The following ADAMTS13 variants were observed in gnomAD, a reference collection of about 807,000 sequenced individuals.
ADAMTS13 encodes the protein ADAM metallopeptidase with thrombospondin type 1 motif 13, also known as A disintegrin and metalloproteinase with thrombospondin motifs 13.
A neutral mutation model predicts 155.1 loss-of-function variants in ADAMTS13; 110 were observed. That is an observed-to-expected ratio of 0.71 (90% CI 0.61 to 0.83). The LOEUF (loss-of-function observed/expected upper bound fraction) is 0.83, where lower values mean the gene tolerates loss of function less well. ADAMTS13 is among the 40% of genes least tolerant of loss of function. The pLI, the probability that ADAMTS13 is intolerant of heterozygous loss-of-function variation, is 0.00. For synonymous variants in ADAMTS13, 758 were observed against 756.4 expected (o/e 1.00, Z -0.03); for missense variants, 1,707 against 1,891.7 (o/e 0.90, Z 1.81).
chr9:133,443,578 G>A lies in ADAMTS13; in HGVS notation c.2420+17G>A. 6 of 1,530,622 alleles carry A rather than the reference G, an allele frequency of 3.9e-6. No homozygotes were observed. The highest frequency in any genetic ancestry group is 5.2e-6 in the Non-Finnish European group (6 of 1,142,886). The allele number at this position is 1,530,622 out of a possible 1,614,324, so 94.8% of individuals were successfully genotyped here. A position where few individuals can be genotyped will look rare whatever the true frequency, so the allele number is the denominator to read the frequency against. The stretch of plus-strand genomic sequence containing the variant: ...CCCTGCCAGGTGAGCCCAGGGCTAG[G>A]TGGGGCTGGGAGAGGGCCTTCCTGG... On this transcript the variant is annotated intron_variant, in intron 19 of 28. Coordinates refer to ENST00000355699, the MANE Select transcript of ADAMTS13 (RefSeq NM_139027.6).
At chr9:133,436,776 A>AGGGGCGGGGGGGGGGG in intron 11 of ADAMTS13, 53 bp from the exon 12 acceptor site, 1 of 715,604 alleles carries the variant, frequency 1.4e-6, no homozygotes, top group Non-Finnish European at 2.2e-6. Flanking sequence ...CCCAGTGACA[A>AGGGGCGGGGGGGGGGG]CACCCGCCCC....
chr9:133,422,532 C>T lies in ADAMTS13; in HGVS notation c.89C>T (p.Pro30Leu), dbSNP rs1554783678. ...GGCTTTCTCCTGGGCTGCTGGGGACCCTCCCATTTCCAGCAGGTGGGCTCA... is the reference window on the plus strand; with the variant it reads ...GGCTTTCTCCTGGGCTGCTGGGGACTCTCCCATTTCCAGCAGGTGGGCTCA... ...ACGFLLGCWG[P>L]SHFQQSCLQA... Residue 30 changes from proline to leucine, a missense_variant, in exon 1 of 29, where the codon CCC (proline) becomes CTC (leucine). Coordinates refer to ENST00000355699, the MANE Select transcript of ADAMTS13 (RefSeq NM_139027.6). 3 of 1,614,086 alleles carry T rather than the reference C, an allele frequency of 1.9e-6. No individual in the cohort carries two copies. The highest frequency in any genetic ancestry group is 2.5e-6 in the Non-Finnish European group (3 of 1,180,016).
chr9:133,432,138 G>A (rs1177129488), intron 8 of ADAMTS13, among the ~76,000 whole-genome samples: 1 of 152,142 alleles, frequency 6.6e-6, no homozygotes, highest in Non-Finnish European at 1.5e-5. Flanking sequence ...GGTGGCGCAT[G>A]CCTGTAATCC....
intron 14 of ADAMTS13, 65 bp from the exon 15 acceptor site, chr9:133,439,280 TTCCCGACCAGCTAAGATCAGC>T (rs1841483417): frequency 4.6e-6 from 5 of 1,085,492 alleles, no homozygotes; most frequent in Non-Finnish European, 7.1e-6. Context: ...TGTTCAATTT[TTCCCGACCAGCTAAGATCAGC>T]TCCCTTTGTC....
upstream of ADAMTS13, chr9:133,414,353 C>T (rs1554780942): frequency 1.7e-6 from 1 of 571,888 alleles, no homozygotes; most frequent in East Asian, 4.0e-5. Context: ...TTGCCCCAAA[C>T]CACCCAACTG....
intron 1 of ADAMTS13, chr9:133,414,927 G>A: frequency 6.2e-7 from 1 of 1,613,814 alleles, no homozygotes; most frequent in Middle Eastern, 1.7e-4. Flanking sequence ...TTGTTTTGCT[G>A]GATAATTTTG....
chr9:133,429,799 G>T, intron 7 of ADAMTS13, 140 bp from the exon 8 acceptor site: 2 of 1,167,320 alleles, frequency 1.7e-6, no homozygotes, highest in Non-Finnish European at 2.5e-6. Flanking sequence ...CTGGTGGGGG[G>T]CGCGGGCCGA....
chr9:133,422,644 A>C, intron 1 of ADAMTS13, 96 bp downstream of exon 1: 2 of 1,248,468 alleles, frequency 1.6e-6, no homozygotes, highest in Non-Finnish European at 2.3e-6. Context: ...AGCTGACTAC[A>C]TCAGCTTTGG....
chr9:133,458,023 C>T lies in ADAMTS13; in HGVS notation c.3838C>T (p.Arg1280Trp), dbSNP rs281875308. The change falls in exon 28 of 29, where the codon CGG (arginine) becomes TGG (tryptophan). Residue 1280 changes from arginine (R) to tryptophan (W), a missense_variant. Physicochemically the swap from Arg to Trp is moderately radical, Grantham distance 101. This residue lies in a region of ADAMTS13 where 961 missense variants were observed against 1,107.9 expected (regional missense o/e 0.87). Transcript: ENST00000355699. ...CTTCATTAATGTGGCTCCGCACGCA[C>T]GGATTGCCATCCATGCCCTGGCCAC... The part of the protein sequence containing the change: ...RLFINVAPHA[R>W]IAIHALATNM... 1.1e-5 allele frequency: 17 copies of T among 1,613,338 alleles called. No homozygotes were observed. Among genetic ancestry groups the T allele is most frequent in the East Asian group, 8.9e-5 (4 of 44,896 alleles).
chr9:133,445,084 C>A lies in ADAMTS13; in HGVS notation c.2610+32C>A, dbSNP rs1554792166. ...GCCCTGGGCATGAGGGTGGCTGGGG[C>A]TGTTGAGTCCTTTACCTGGCTGGGA... is the stretch of plus-strand genomic sequence containing the variant. On this transcript the variant is annotated intron_variant, in intron 20 of 28. Coordinates refer to ENST00000355699, the MANE Select transcript of ADAMTS13 (RefSeq NM_139027.6). This position sits in a 1 kb window ranked among gnomAD's most constrained non-coding sequence, Gnocchi z 5.0. 2.5e-6 allele frequency: 4 copies of A among 1,603,658 alleles called. No homozygotes were observed. The East Asian group carries it at 6.7e-5, about 27-fold the overall frequency.
chr9:133,447,275 A>G (rs137855938), intron 21 of ADAMTS13, among the ~76,000 whole-genome samples: 2,196 of 149,540 alleles, frequency 0.015, 17 homozygotes, highest in Middle Eastern at 0.031. Context: ...ACCGAGACCA[A>G]AAAGAGATTT....
At chr9:133,451,187 G>A (rs916138983) in intron 23 of ADAMTS13, among the ~76,000 whole-genome samples, 3 of 152,238 alleles carry the variant, frequency 2.0e-5, no homozygotes, top group African/African-American at 7.2e-5. Flanking sequence ...GAATGTAACA[G>A]ACATGTATGT....
intron 6 of ADAMTS13, among the ~76,000 whole-genome samples, chr9:133,428,018 C>T (rs1202452096): frequency 1.3e-5 from 2 of 152,128 alleles, no homozygotes; most frequent in African/African-American, 4.8e-5. Context: ...GTCCTCTGGT[C>T]CAGTGTCCAA....
chr9:133,423,066 A>G (rs374716305), intron 1 of ADAMTS13, 35 bp from the exon 2 acceptor site: 3 of 1,601,230 alleles, frequency 1.9e-6, no homozygotes, highest in Non-Finnish European at 2.6e-6. Context: ...CAGAGCCACT[A>G]TGCCCGGCCC....
At chr9:133,458,398 A>G (rs1842868857) in intron 28 of ADAMTS13, among the ~76,000 whole-genome samples, 2 of 151,944 alleles carry the variant, frequency 1.3e-5, no homozygotes. Context: ...TCTACTAAAA[A>G]TAGAAAAAGT....
Position 133,443,516 on chromosome 9 carries a change from C to T in ADAMTS13, c.2375C>T (p.Pro792Leu). 1 of 1,578,892 alleles carries T rather than the reference C, an allele frequency of 6.3e-7. No individual in the cohort carries two copies. The highest frequency in any genetic ancestry group is 8.6e-7 in the Non-Finnish European group (1 of 1,168,410). Residue 792 changes from proline to leucine, a missense_variant, in exon 19 of 29, where the codon CCA becomes CTA. This residue lies in a region of ADAMTS13 where 961 missense variants were observed against 1,107.9 expected (regional missense o/e 0.87). Transcript: ENST00000355699. ...CGGTGCAGAGCAGGGGCCCAGCAGC[C>T]AGCTGTGGCGCTGGAAACCTGCAAC... ...PARCRAGAQQ[P>L]AVALETCNPQ...
rs931559052 is a variant in ADAMTS13 at position 133,456,214 on chromosome 9, G to C, written c.3546G>C (p.Ala1182=). ...TTGAGAGTTCTCTCAACTGCAGTGC[G>C]GGTATGTCTAGGGCCATGCAAGCGA... is the stretch of plus-strand genomic sequence containing the variant. ...RVLESSLNCS[A]GDMLLLWGRL... The change falls in exon 26 of 29, where the codon GCG becomes GCC. Residue 1182 remains alanine (A), a splice_region_variant and synonymous_variant. Coordinates refer to ENST00000355699, the MANE Select transcript of ADAMTS13 (RefSeq NM_139027.6). This position sits in a 1 kb window ranked among gnomAD's most constrained non-coding sequence, Gnocchi z 4.4. 2 of 1,613,334 alleles carry C rather than the reference G, an allele frequency of 1.2e-6. No individual in the cohort carries two copies. Among genetic ancestry groups the C allele is most frequent in the Non-Finnish European group, 1.7e-6 (2 of 1,180,028 alleles).
At chr9:133,427,010 T>C (rs1029343595) in intron 6 of ADAMTS13, among the ~76,000 whole-genome samples, 4 of 152,092 alleles carry the variant, frequency 2.6e-5, no homozygotes, top group African/African-American at 9.7e-5. Context: ...TCCATGTTGG[T>C]CAGGCTGGTC....
Position 133,458,954 on chromosome 9 carries a change from G to A in ADAMTS13, c.3910-20G>A. 6.2e-7 allele frequency: 1 copy of A among 1,608,640 alleles called. No individual in the cohort carries two copies. Among genetic ancestry groups the A allele is most frequent in the Non-Finnish European group, 8.5e-7 (1 of 1,177,342 alleles). ...TTATTACTTGTGGCCGGTCCTTCTG[G>A]GCTGCCCCTTTTCTCTCAGATCCGG... On this transcript the variant is annotated intron_variant, in intron 28 of 28. Coordinates refer to ENST00000355699, the MANE Select transcript of ADAMTS13 (RefSeq NM_139027.6).
Sources: gnomAD v4.1 joint callset for allele counts (sites outside exome capture counted in the v4.1 genomes callset) on GRCh38, gnomAD v4.1.1 for gene constraint, gnomAD v4.1.1 regional missense constraint, Gnocchi (gnomAD v3.1) non-coding constraint, MANE v1.5 for transcripts, NCBI Gene and HGNC (gene_info 2026-07-23, HGNC 2026-07-21) for gene names.